The following HDAC9 variants were observed in gnomAD, a reference collection of about 807,000 sequenced individuals.
HDAC9 encodes the protein MEF-2 interacting transcription repressor (MITR) protein.
In HDAC9, 41 loss-of-function variants were observed where a neutral mutation model predicts 139.4. That is an observed-to-expected ratio of 0.29 (90% CI 0.23 to 0.38). The LOEUF is 0.38. Among genes scored for constraint, HDAC9 ranks in the 10% least tolerant of loss-of-function variants. HDAC9 has a pLI of 1.00. For synonymous variants in HDAC9, 517 were observed against 476.2 expected, an observed-to-expected ratio of 1.09 and a Z score of -1.12; for missense variants, 1,147 against 1,297.0, an observed-to-expected ratio of 0.88 and a Z score of 1.78.
At position 18,727,700 on chromosome 7, in the gene HDAC9, G is replaced by A. The variant is rs768858768; in HGVS notation, c.1852G>A (p.Ala618Thr). ...LVSRTHSSPAASVLPHPAMDR... is the reference protein window; with the variant it reads ...LVSRTHSSPATSVLPHPAMDR... ...CTCCAGGACTCACTCTTCCCCTGCTGCCTCTGTTTTACCTCACCCAGCAAT... is the reference window on the plus strand; with the variant it reads ...CTCCAGGACTCACTCTTCCCCTGCTACCTCTGTTTTACCTCACCCAGCAAT... The change falls in exon 13 of 26, where the codon GCC becomes ACC. Residue 618 changes from alanine to threonine, a missense_variant. Around this residue, in one of 7 missense-constraint regions of HDAC9, gnomAD observed 256 missense variants for 219.2 expected, o/e 1.17. Transcript: ENST00000686413. 5.1e-6 allele frequency: 8 copies of A among 1,581,522 alleles called. No individual in the cohort carries two copies. The highest frequency in any genetic ancestry group is 3.5e-5 in the South Asian group (3 of 85,576).
chr7:18,561,301 T>C (rs1481720840), intron 2 of HDAC9, among the ~76,000 whole-genome samples: 1 of 152,228 alleles, frequency 6.6e-6, no homozygotes, highest in East Asian at 1.9e-4. Flanking sequence ...GAGCATACTT[T>C]AAAAATTCTA....
intron 16 of HDAC9, among the ~76,000 whole-genome samples, chr7:18,785,747 C>T (rs760856554): frequency 6.6e-6 from 1 of 152,010 alleles, no homozygotes; most frequent in Non-Finnish European, 1.5e-5. Context: ...TTTGATTTTA[C>T]TAGCATAAAA....
intron 2 of HDAC9, among the ~76,000 whole-genome samples, chr7:18,511,460 A>G (rs1389204593): frequency 6.6e-6 from 1 of 152,120 alleles, no homozygotes; most frequent in African/African-American, 2.4e-5. Context: ...TGCCAGGTAC[A>G]GTGGTTCATG....
At chr7:18,282,538 G>A (rs1031202165) in intron 2 of HDAC9, among the ~76,000 whole-genome samples, 1 of 151,998 alleles carries the variant, frequency 6.6e-6, no homozygotes, top group African/African-American at 2.4e-5. Context: ...TTTTTGAAAG[G>A]GAAATGACAT....
chr7:18,847,391 A>T (rs1353352866), intron 21 of HDAC9, among the ~76,000 whole-genome samples: 1 of 151,730 alleles, frequency 6.6e-6, no homozygotes, highest in Non-Finnish European at 1.5e-5. Context: ...ATTTTTAAGG[A>T]CTGAAATGAT....
intron 23 of HDAC9, among the ~76,000 whole-genome samples, chr7:18,943,261 T>C (rs1294091825): frequency 6.6e-6 from 1 of 152,108 alleles, no homozygotes; most frequent in Non-Finnish European, 1.5e-5. Context: ...TTTCAACATA[T>C]GTAGTATTTT....
intron 22 of HDAC9, among the ~76,000 whole-genome samples, chr7:18,905,156 G>A (rs1802113995): frequency 6.6e-6 from 1 of 152,184 alleles, no homozygotes; most frequent in Non-Finnish European, 1.5e-5. Context: ...CTCCCAAAGT[G>A]CTGGGATTAC....
At chr7:18,649,616 T>C (rs1788614748) in intron 11 of HDAC9, among the ~76,000 whole-genome samples, 1 of 152,134 alleles carries the variant, frequency 6.6e-6, no homozygotes, top group Admixed American at 6.5e-5. Context: ...TACTATGATG[T>C]AAGAAACAAA....
intron 22 of HDAC9, among the ~76,000 whole-genome samples, chr7:18,882,385 G>A (rs771821057): frequency 2.2e-4 from 34 of 152,026 alleles, no homozygotes; most frequent in Non-Finnish European, 1.6e-4. Flanking sequence ...TGGTCTCCTT[G>A]TAACAGTGGG....
chr7:18,991,291 G>A (rs563443192), intron 25 of HDAC9, among the ~76,000 whole-genome samples: 127 of 152,212 alleles, frequency 8.3e-4, no homozygotes, highest in African/African-American at 3.0e-3. Flanking sequence ...CACAAAATAC[G>A]AACTAATATA....
intron 12 of HDAC9, among the ~76,000 whole-genome samples, chr7:18,715,549 C>G (rs1466677206): frequency 6.6e-6 from 1 of 151,978 alleles, no homozygotes; most frequent in African/African-American, 2.4e-5. Context: ...TGTGATTCTC[C>G]TAATGTTATG....
intron 24 of HDAC9, among the ~76,000 whole-genome samples, chr7:18,972,614 C>G (rs1001729812): frequency 2.0e-5 from 3 of 152,242 alleles, no homozygotes; most frequent in Admixed American, 6.5e-5. Context: ...TTCCTGACCT[C>G]AAGTGATCCA....
intron 1 of HDAC9, among the ~76,000 whole-genome samples, chr7:18,447,960 C>A (rs187885655): frequency 4.6e-5 from 7 of 152,304 alleles, no homozygotes; most frequent in African/African-American, 1.7e-4. Context: ...CCTGCCTTAG[C>A]TTCCCTAATA....
At chr7:18,797,814 G>A (rs1429765246) in intron 17 of HDAC9, among the ~76,000 whole-genome samples, 2 of 151,544 alleles carry the variant, frequency 1.3e-5, no homozygotes, top group Middle Eastern at 3.4e-3. Flanking sequence ...GGGTGGCAGA[G>A]TAAGACTCCA....
At chr7:18,804,530 T>C (rs1180619395) in intron 17 of HDAC9, among the ~76,000 whole-genome samples, 1 of 152,192 alleles carries the variant, frequency 6.6e-6, no homozygotes, top group African/African-American at 2.4e-5. Context: ...TTCATATACA[T>C]TTTGCCACAC....
At chr7:18,241,133 TG>T (rs1412879204) in intron 2 of HDAC9, among the ~76,000 whole-genome samples, 3 of 152,220 alleles carry the variant, frequency 2.0e-5, no homozygotes, top group Non-Finnish European at 2.9e-5. Context: ...AGCTAAAATT[TG>T]GGTAACTTCA....
In HDAC9 at chr7:18,093,391, G is replaced by C. The variant is rs566201270; in HGVS notation, c.-97+6178G>C. Among the ~76,000 whole-genome samples, 17 of 152,300 alleles carry C rather than the reference G, an allele frequency of 1.1e-4. 1 individual carries two copies. The South Asian group carries it at 3.5e-3, about 32-fold the overall frequency. On this transcript the variant is annotated intron_variant, in intron 1 of 12. Transcript: ENST00000417496. Reference sequence around the variant, plus strand: ...AAAGCCTGTTACTCACATTGAAGTGGATGTCAGTGCTACAATTGCTGTTGG... The same window carrying C: ...AAAGCCTGTTACTCACATTGAAGTGCATGTCAGTGCTACAATTGCTGTTGG...
chr7:18,811,574 C>T (rs759736987), intron 17 of HDAC9, among the ~76,000 whole-genome samples: 29 of 151,542 alleles, frequency 1.9e-4, no homozygotes, highest in Non-Finnish European at 3.1e-4. Flanking sequence ...AATTTAATTC[C>T]ACTGGGGTCA....
chr7:18,386,103 T>C (rs1325855245), intron 1 of HDAC9, among the ~76,000 whole-genome samples: 1 of 152,230 alleles, frequency 6.6e-6, no homozygotes, highest in Non-Finnish European at 1.5e-5. Flanking sequence ...CATTTCTCTC[T>C]GGTGAAAGCC....
Sources: allele counts gnomAD v4.1 joint callset (sites outside exome capture counted in the v4.1 genomes callset), GRCh38; gene constraint gnomAD v4.1.1; regional missense constraint gnomAD v4.1.1; transcripts MANE v1.5; gene names NCBI Gene and HGNC (gene_info 2026-07-23, HGNC 2026-07-21).